ARHGEF10L: variants seen among roughly 807,000 people sequenced by gnomAD.
ARHGEF10L encodes Rho guanine nucleotide exchange factor 10 like.
Under a neutral mutation model 141.2 loss-of-function variants are expected in ARHGEF10L, and 69 were observed. The observed-to-expected ratio is 0.49, with a 90% confidence interval of 0.40 to 0.60. ARHGEF10L has a LOEUF of 0.60. Among genes scored for constraint, ARHGEF10L ranks in the 20% least tolerant of loss-of-function variants. The pLI, the probability that ARHGEF10L is intolerant of heterozygous loss-of-function variation, is 0.00. For synonymous variants in ARHGEF10L, 711 were observed against 718.5 expected (o/e 0.99, Z 0.17); for missense variants, 1,482 against 1,734.3 (o/e 0.85, Z 2.58).
chr1:17,660,105 G>A (rs757976800), intron 25 of ARHGEF10L, among the ~76,000 whole-genome samples: 2 of 152,234 alleles, frequency 1.3e-5, no homozygotes, highest in African/African-American at 4.8e-5. Flanking sequence ...ATGCAGCAGG[G>A]TGCTGGGGCC....
In ARHGEF10L at chr1:17,696,898, G is replaced by T. The variant is rs956737393; in HGVS notation, c.3358G>T (p.Ala1120Ser). The T allele has an allele frequency of 6.2e-7, 1 of 1,604,028 alleles. No individual in the cohort carries two copies. The highest frequency in any genetic ancestry group is 8.5e-7 in the Non-Finnish European group (1 of 1,174,840). ...GCACTGTGGGCCTGTGGCCTTCCTG[G>T]CTGTGGCTACCAGCATCCTGGCCCC... The part of the protein sequence containing the change: ...NGHCGPVAFL[A>S]VATSILAPDI... Residue 1120 changes from alanine to serine, a missense_variant, in exon 29 of 29, where the codon GCT (alanine) becomes TCT (serine). Physicochemically the swap from Ala to Ser is moderately conservative, Grantham distance 99 (BLOSUM62 1). Transcript: ENST00000361221.
At chr1:17,634,441 A>C in intron 16 of ARHGEF10L, 107 bp from the exon 17 acceptor site, 1 of 1,573,200 alleles carries the variant, frequency 6.4e-7, no homozygotes, top group Admixed American at 1.7e-5. Flanking sequence ...CTCTCCTTCT[A>C]TTCCCGATGC....
At chr1:17,592,357 G>A (rs1170875532) in intron 4 of ARHGEF10L, among the ~76,000 whole-genome samples, 3 of 152,162 alleles carry the variant, frequency 2.0e-5, no homozygotes, top group African/African-American at 7.2e-5. Context: ...GGATTCTCAT[G>A]GGCTCCCTGA....
At chr1:17,593,058 G>A (rs1219961036) in intron 4 of ARHGEF10L, among the ~76,000 whole-genome samples, 1 of 152,124 alleles carries the variant, frequency 6.6e-6, no homozygotes, top group Non-Finnish European at 1.5e-5. Context: ...TGGATCCCAG[G>A]CCCTTTGAGG....
intron 27 of ARHGEF10L, chr1:17,691,222 T>C: frequency 7.3e-6 from 3 of 411,692 alleles, no homozygotes; most frequent in Non-Finnish European, 1.4e-5. Context: ...ATTAAGTCTC[T>C]GTGATAAAAT....
intron 18 of ARHGEF10L, among the ~76,000 whole-genome samples, chr1:17,636,965 A>T (rs2061039463): frequency 6.7e-6 from 1 of 150,184 alleles, no homozygotes; most frequent in South Asian, 2.1e-4. Context: ...GCCACCCCCT[A>T]CCCCCATCTC....
chr1:17,601,037 G>A (rs567140473), intron 4 of ARHGEF10L, among the ~76,000 whole-genome samples: 71 of 140,892 alleles, frequency 5.0e-4, no homozygotes, highest in Middle Eastern at 3.9e-3. Context: ...GCGACAGAGC[G>A]AGGCTCTGTC....
intron 4 of ARHGEF10L, among the ~76,000 whole-genome samples, chr1:17,590,713 G>A (rs2079456703): frequency 6.6e-6 from 1 of 152,166 alleles, no homozygotes; most frequent in Non-Finnish European, 1.5e-5. Flanking sequence ...CAGACCTGGT[G>A]AAGTGGCTCA....
intron 27 of ARHGEF10L, 48 bp from the exon 28 acceptor site, chr1:17,695,110 T>G (rs1483049516): frequency 6.2e-7 from 1 of 1,609,622 alleles, no homozygotes; most frequent in South Asian, 1.1e-5. Context: ...CCAGAGCCCA[T>G]GCTGTCTCCC....
chr1:17,544,494 C>T (rs1246882831), intron 1 of ARHGEF10L, among the ~76,000 whole-genome samples: 1 of 150,052 alleles, frequency 6.7e-6, no homozygotes, highest in East Asian at 2.0e-4. Flanking sequence ...GGGGTTTCAC[C>T]ATGTGGGCCA....
At chr1:17,525,963 C>T in the ARHGEF10L span, among the ~76,000 whole-genome samples, 408 of 148,304 alleles carry the variant, frequency 2.8e-3, 5 homozygotes, top group African/African-American at 9.9e-3. Flanking sequence ...GATCCCACCA[C>T]TGCACCCTAG....
chr1:17,613,282 C>A, intron 8 of ARHGEF10L, 108 bp downstream of exon 8: 1 of 886,408 alleles, frequency 1.1e-6, no homozygotes, highest in Non-Finnish European at 1.8e-6. Flanking sequence ...CCAGGCCCAC[C>A]CTTGAGTCCC....
intron 26 of ARHGEF10L, among the ~76,000 whole-genome samples, chr1:17,670,021 G>A (rs992369594): frequency 1.3e-5 from 2 of 152,272 alleles, no homozygotes; most frequent in Non-Finnish European, 2.9e-5. Flanking sequence ...CCCCGAGCTC[G>A]GCTATGCGGG....
chr1:17,601,257 C>A (rs1461556305), intron 4 of ARHGEF10L, among the ~76,000 whole-genome samples: 2 of 152,022 alleles, frequency 1.3e-5, no homozygotes, highest in Admixed American at 1.3e-4. Context: ...ACACATGGCA[C>A]CTGCGTGGCG....
chr1:17,601,140 C>T (rs2080643638), intron 4 of ARHGEF10L, among the ~76,000 whole-genome samples: 1 of 151,930 alleles, frequency 6.6e-6, no homozygotes, highest in Non-Finnish European at 1.5e-5. Flanking sequence ...TACAATGTTC[C>T]CCACTCCGAT....
rs186546161 is a variant in ARHGEF10L, at chr1:17,644,255, C to T, written c.2272+3953C>T. On this transcript the variant is annotated intron_variant, in intron 21 of 28. Coordinates refer to ENST00000361221, the MANE Select transcript of ARHGEF10L (RefSeq NM_018125.4). The surrounding 1 kb of genome is among the most constrained non-coding windows in gnomAD (Gnocchi z 4.5). The stretch of plus-strand genomic sequence containing the variant: ...TTCCGGCCCATAGTCGTCACACTGA[C>T]GCCAATATTCCTTCCGGGATGACTC... Among the ~76,000 whole-genome samples, 141 of 152,330 alleles carry T rather than the reference C, an allele frequency of 9.3e-4. No homozygotes were observed. Among genetic ancestry groups the T allele is most frequent in the African/African-American group, 3.0e-3 (123 of 41,582 alleles).
Position 17,619,396 on chromosome 1 carries a change from C to T in ARHGEF10L, c.893C>T (p.Pro298Leu), listed in dbSNP as rs539282035. 4 of 1,612,510 alleles carry T rather than the reference C, an allele frequency of 2.5e-6. No individual in the cohort carries two copies. In the East Asian group the frequency reaches 6.7e-5, roughly 27 times the overall value. The change falls in exon 10 of 29, where the codon CCC (proline) becomes CTC (leucine). Residue 298 changes from proline (P) to leucine (L), a missense_variant. Physicochemically the swap from Pro to Leu is moderately conservative, Grantham distance 98 (BLOSUM62 -3). Around this residue, in one of 3 missense-constraint regions of ARHGEF10L, gnomAD observed 392 missense variants for 542.1 expected, o/e 0.72. Coordinates refer to ENST00000361221, the MANE Select transcript of ARHGEF10L (RefSeq NM_018125.4). This position sits in a 1 kb window ranked among gnomAD's most constrained non-coding sequence, Gnocchi z 5.0. ...LLEVSVSDIK[P>L]PAPELGPMPE... ...GAGGTCAGCGTTTCGGACATCAAGC[C>T]CCCAGCCCCAGAGCTGGGCCCCATG...
intron 1 of ARHGEF10L, among the ~76,000 whole-genome samples, chr1:17,545,922 C>T (rs1012971273): frequency 3.3e-5 from 5 of 152,142 alleles, no homozygotes; most frequent in African/African-American, 1.2e-4. Flanking sequence ...GTGTTTTCTC[C>T]ACCCAGAAGG....
rs1404603550 is a variant in ARHGEF10L at position 17,644,963 on chromosome 1, C to T, written c.2273-3591C>T. Among the ~76,000 whole-genome samples, 1 of 152,106 alleles carries T rather than the reference C, an allele frequency of 6.6e-6. No homozygotes were observed. The highest frequency in any genetic ancestry group is 1.5e-5 in the Non-Finnish European group (1 of 68,018). On this transcript the variant is annotated intron_variant, in intron 21 of 28. Coordinates refer to ENST00000361221, the MANE Select transcript of ARHGEF10L (RefSeq NM_018125.4). This position sits in a 1 kb window ranked among gnomAD's most constrained non-coding sequence, Gnocchi z 4.5. ...CTCAGAGAGGGTAAGCACTTGGCTC[C>T]GTGTCACATAGTGAGTTGGAGACTG...
Sources: gnomAD v4.1 joint callset for allele counts (sites outside exome capture counted in the v4.1 genomes callset) on GRCh38, gnomAD v4.1.1 for gene constraint, gnomAD v4.1.1 regional missense constraint, Gnocchi (gnomAD v3.1) non-coding constraint, MANE v1.5 for transcripts, NCBI Gene and HGNC (gene_info 2026-07-23, HGNC 2026-07-21) for gene names.